The following RPS6KL1 variants were observed in gnomAD, a reference collection of about 807,000 sequenced individuals.
RPS6KL1 encodes the protein ribosomal protein S6 kinase-like 1.
A neutral mutation model predicts 57.0 loss-of-function variants in RPS6KL1; 41 were observed. The ratio of observed to expected loss-of-function variants is 0.72; its 90% CI spans 0.56 to 0.93. RPS6KL1 has a LOEUF of 0.93. Among genes scored for constraint, RPS6KL1 ranks in the 40% least tolerant of loss-of-function variants. RPS6KL1 has a pLI of 0.00. For missense variants in RPS6KL1, 697 were observed against 727.7 expected (o/e 0.96, Z 0.49); for synonymous variants, 287 against 309.7 (o/e 0.93, Z 0.77).
At chr14:74,917,488 A>G (rs1336489231) in intron 5 of RPS6KL1, among the ~76,000 whole-genome samples, 1 of 152,164 alleles carries the variant, frequency 6.6e-6, no homozygotes, top group East Asian at 1.9e-4. Flanking sequence ...ATTCTTGGGC[A>G]TCTGTATTTT....
chr14:74,917,651 G>A (rs767909343), intron 5 of RPS6KL1, among the ~76,000 whole-genome samples: 10 of 152,118 alleles, frequency 6.6e-5, no homozygotes, highest in African/African-American at 9.7e-5. Context: ...TGAGTGCCCC[G>A]AGTAAGGGTT....
intron 5 of RPS6KL1, among the ~76,000 whole-genome samples, chr14:74,917,263 C>T (rs899383278): frequency 6.6e-6 from 1 of 152,268 alleles, no homozygotes; most frequent in Admixed American, 6.5e-5. Flanking sequence ...CAGATCACCC[C>T]ATTGGGGGAG....
At chr14:74,909,052 A>G (rs1180264840) in intron 9 of RPS6KL1, 49 bp downstream of exon 9, 1 of 1,598,530 alleles carries the variant, frequency 6.3e-7, no homozygotes. Flanking sequence ...CACAACCCAC[A>G]CAAAGGCACC....
chr14:74,909,198 G>T lies in RPS6KL1; in HGVS notation c.1271-8C>A, dbSNP rs1277791484. ...ATGTGAGCCGGATGTGACCTCCAGT[G>T]TGTGGGAGGAAAAAGGAGGGGACAG... On this transcript the variant is annotated splice_region_variant and splice_polypyrimidine_tract_variant and intron_variant, in intron 8 of 11. Transcript: ENST00000557413. The T allele has an allele frequency of 1.9e-6, 3 of 1,613,430 alleles. No homozygotes were observed. The highest frequency in any genetic ancestry group is 1.7e-6 in the Non-Finnish European group (2 of 1,179,468).
chr14:74,920,019 T>A, intron 3 of RPS6KL1, 50 bp from the exon 4 acceptor site: 1 of 1,611,908 alleles, frequency 6.2e-7, no homozygotes, highest in Non-Finnish European at 8.5e-7. Flanking sequence ...CTCGGAGGGC[T>A]GGAGTTCCAG....
Position 74,907,025 on chromosome 14 carries a change from G to T in RPS6KL1, c.1639C>A (p.Leu547Met). The change falls in exon 12 of 12, where the codon CTG becomes ATG. Residue 547 changes from leucine (L) to methionine (M), a missense_variant. Leu to Met is a conservative substitution (Grantham distance 15). Transcript: ENST00000557413. ...CCCGCTCTGCCCTCTTACCCCACCA[G>T]CTTGCTCCATTGGATGGTACTGAAA... is the stretch of plus-strand genomic sequence containing the variant. ...PFFSTIQWSKLVG is the reference protein window; with the variant it reads ...PFFSTIQWSKMVG 6.2e-7 allele frequency: 1 copy of T among 1,611,292 alleles called. No homozygotes were observed. The highest frequency in any genetic ancestry group is 8.5e-7 in the Non-Finnish European group (1 of 1,178,406).
intron 2 of RPS6KL1, 195 bp downstream of exon 2, chr14:74,921,783 T>TTC: frequency 1.5e-6 from 2 of 1,321,326 alleles, no homozygotes; most frequent in South Asian, 3.8e-5. Flanking sequence ...TTTTCTTTTT[T>TTC]TTTTTTTTTT....
rs1172835077 is a variant in RPS6KL1 at position 74,906,403 on chromosome 14, CG to C, written c.*610del. ...CAAGATAGGGGGCATGGTCAGGAAT[CG>C]GGGGTGGGGGGGTGGGGGTGGGGGT... On this transcript the variant is annotated 3_prime_UTR_variant, in exon 12 of 12. Transcript: ENST00000557413. 3.3e-5 allele frequency: 7 copies of C among 210,532 alleles called. No individual in the cohort carries two copies. Among genetic ancestry groups the C allele is most frequent in the African/African-American group, 9.7e-5 (1 of 10,268 alleles). The allele number at this position is 210,532 out of a possible 1,614,324, so 13.0% of individuals were successfully genotyped here.
At chr14:74,919,543 A>G (rs1284653978) in intron 4 of RPS6KL1, among the ~76,000 whole-genome samples, 1 of 152,204 alleles carries the variant, frequency 6.6e-6, no homozygotes, top group African/African-American at 2.4e-5. Context: ...TGTAAATTGA[A>G]CGGTGTGCAA....
intron 5 of RPS6KL1, among the ~76,000 whole-genome samples, chr14:74,917,975 G>A (rs1047686713): frequency 1.3e-5 from 2 of 152,176 alleles, no homozygotes; most frequent in Non-Finnish European, 2.9e-5. Flanking sequence ...GACTGGCAGG[G>A]TGCCCTGGGC....
Position 74,909,143 on chromosome 14 carries a change from G to A in RPS6KL1, c.1318C>T (p.Gln440Ter). 6.2e-7 allele frequency: 1 copy of A among 1,614,194 alleles called. No individual in the cohort carries two copies. The highest frequency in any genetic ancestry group is 8.5e-7 in the Non-Finnish European group (1 of 1,180,026). Residue 440 changes from glutamine (Q) to a stop codon, truncating the protein, a stop_gained, in exon 9 of 12, where the codon CAG (glutamine) becomes TAG (stop). Coordinates refer to ENST00000557413, the MANE Select transcript of RPS6KL1 (RefSeq NM_031464.5). LOFTEE classifies it high-confidence loss of function. ...TTGTCCACGGCCTCCCCGCAGCACT[G>A]GGGCTCCACCTCTGACCACTGGCCA... ...YFGQWSEVEP[Q>*]CCGEAVDNLY...
rs1887913478 is a variant in RPS6KL1, at chr14:74,921,846, C to T, written c.-21+132G>A. The T allele has an allele frequency of 1.5e-5, 10 of 675,006 alleles. 1 individual carries two copies. In the South Asian group the frequency reaches 2.4e-4, roughly 16 times the overall value. The allele number at this position is 675,006 out of a possible 1,614,324, so 41.8% of individuals were successfully genotyped here. A position where few individuals can be genotyped will look rare whatever the true frequency, so the allele number is the denominator to read the frequency against. On this transcript the variant is annotated intron_variant, in intron 2 of 11. Coordinates refer to ENST00000557413, the MANE Select transcript of RPS6KL1 (RefSeq NM_031464.5). ...AGGCTGGATTGCAGTGGTGCGATCT[C>T]GGCTCACTGCAACCTCCACTTCCCA...
chr14:74,911,388 C>T lies in RPS6KL1; in HGVS notation c.532-8G>A, dbSNP rs72734230. On this transcript the variant is annotated splice_polypyrimidine_tract_variant and splice_region_variant and intron_variant, in intron 6 of 11. Transcript: ENST00000557413. ...GTGGCACCTGGGTAGGCTCTGGGAG[C>T]AGCAGGGCAGGCAGATCAGCCGGGG... 1,309 of 1,600,952 alleles carry T rather than the reference C, an allele frequency of 8.2e-4. No homozygotes were observed. The highest frequency in any genetic ancestry group is 1.1e-3 in the Non-Finnish European group (1,260 of 1,176,080).
At chr14:74,911,409 CG>C (rs1566820423) in intron 6 of RPS6KL1, 29 bp from the exon 7 acceptor site, 1 of 1,592,838 alleles carries the variant, frequency 6.3e-7, no homozygotes, top group Non-Finnish European at 8.5e-7. Flanking sequence ...GCAGATCAGC[CG>C]GGGACAGGCC....
chr14:74,909,195 AGT>A lies in RPS6KL1; in HGVS notation c.1271-7_1271-6del, dbSNP rs753899987. 1.9e-6 allele frequency: 3 copies of A among 1,613,610 alleles called. No homozygotes were observed. The highest frequency in any genetic ancestry group is 1.7e-6 in the Non-Finnish European group (2 of 1,179,530). On this transcript the variant is annotated splice_polypyrimidine_tract_variant and splice_region_variant and intron_variant, in intron 8 of 11. Transcript: ENST00000557413. ...AATATGTGAGCCGGATGTGACCTCC[AGT>A]GTGTGGGAGGAAAAAGGAGGGGACA...
In RPS6KL1 at chr14:74,919,861, C is replaced by T. The variant is rs773996609; in HGVS notation, c.374G>A (p.Gly125Glu). ...NCHLQRPLSS[G>E]ASPSAGFSSL... The stretch of plus-strand genomic sequence containing the variant: ...TCTCCTCACCGCGCTGGGGCTGGCT[C>T]CACTGCTCAGCGGCCGCTGCAGGTG... Residue 125 changes from glycine (G) to glutamate (E), a missense_variant, in exon 4 of 12, where the codon GGA becomes GAA. Gly to Glu is a moderately conservative substitution (Grantham distance 98). Coordinates refer to ENST00000557413, the MANE Select transcript of RPS6KL1 (RefSeq NM_031464.5). 3.1e-6 allele frequency: 5 copies of T among 1,613,630 alleles called. No individual in the cohort carries two copies. In the South Asian group the frequency reaches 4.4e-5, roughly 14 times the overall value.
In RPS6KL1 at chr14:74,907,057, TG is replaced by T. The variant is rs1247648336; in HGVS notation, c.1606del (p.His536IlefsTer91). On this transcript the variant is annotated frameshift_variant, in exon 12 of 12. Transcript: ENST00000557413. LOFTEE classifies it high-confidence loss of function. ...GEGGVSKLKS[H>X]PFFSTIQWSK... is the part of the protein sequence containing the mutation. ...CCATTGGATGGTACTGAAAAAGGGA[TG>T]GGACTTGAGTTTGCTGACACCACCT... The T allele has an allele frequency of 5.0e-6, 8 of 1,613,628 alleles. No homozygotes were observed. In the East Asian group the frequency reaches 1.6e-4, roughly 31 times the overall value.
chr14:74,907,008 G>A lies in RPS6KL1; in HGVS notation c.*6C>T. 1 of 1,599,468 alleles carries A rather than the reference G, an allele frequency of 6.3e-7. No individual in the cohort carries two copies. The highest frequency in any genetic ancestry group is 1.7e-4 in the Middle Eastern group (1 of 6,014). On this transcript the variant is annotated 3_prime_UTR_variant, in exon 12 of 12. Coordinates refer to ENST00000557413, the MANE Select transcript of RPS6KL1 (RefSeq NM_031464.5). ...GCCAGCTGCTTCCGTCACCCGCTCTGCCCTCTTACCCCACCAGCTTGCTCC... is the reference window on the plus strand; with the variant it reads ...GCCAGCTGCTTCCGTCACCCGCTCTACCCTCTTACCCCACCAGCTTGCTCC...
intron 11 of RPS6KL1, 52 bp from the exon 12 acceptor site, chr14:74,907,176 G>A: frequency 1.4e-6 from 2 of 1,480,336 alleles, no homozygotes; most frequent in African/African-American, 2.8e-5. Context: ...GAGGCATGGG[G>A]TGACCTCCAG....
Sources: gnomAD v4.1 joint callset for allele counts (sites outside exome capture counted in the v4.1 genomes callset) on GRCh38, gnomAD v4.1.1 for gene constraint, MANE v1.5 for transcripts, NCBI Gene and HGNC (gene_info 2026-07-23, HGNC 2026-07-21) for gene names.